Variants in STRADA observed in about 807,000 individuals in gnomAD.
The protein encoded by STRADA is STE20-related kinase adapter protein alpha.
STRADA carries 26 observed loss-of-function variants against 55.0 expected under a neutral mutation model. The ratio of observed to expected loss-of-function variants is 0.47; its 90% CI spans 0.35 to 0.66. STRADA has a LOEUF of 0.66. STRADA is among the 30% of genes least tolerant of loss of function. The pLI, the probability that STRADA is intolerant of heterozygous loss-of-function variation, is 0.01. For synonymous variants in STRADA, 197 were observed against 210.9 expected, an observed-to-expected ratio of 0.93 and a Z score of 0.57; for missense variants, 443 against 549.7, an observed-to-expected ratio of 0.81 and a Z score of 1.94.
chr17:63,709,076 C>A (rs1187454524), intron 8 of STRADA, among the ~76,000 whole-genome samples: 3 of 152,214 alleles, frequency 2.0e-5, no homozygotes, highest in African/African-American at 4.8e-5. Flanking sequence ...GGGACAGACA[C>A]TCACACTACC....
At chr17:63,728,081 T>G in intron 2 of STRADA, 1 of 452,414 alleles carries the variant, frequency 2.2e-6, no homozygotes, top group South Asian at 3.2e-5. Context: ...ATGACTGATA[T>G]TCATGAAATA....
intron 1 of STRADA, among the ~76,000 whole-genome samples, chr17:63,732,282 G>A (rs2038121180): frequency 6.6e-6 from 1 of 152,146 alleles, no homozygotes; most frequent in Admixed American, 6.6e-5. Context: ...TAGGATTACA[G>A]GTGTCAGCTA....
intron 2 of STRADA, chr17:63,727,711 A>G (rs2037751707): frequency 6.6e-6 from 1 of 152,204 alleles, no homozygotes; most frequent in Non-Finnish European, 1.5e-5. Context: ...ATATGTAAAG[A>G]AAGTGGTATA....
intron 1 of STRADA, among the ~76,000 whole-genome samples, chr17:63,736,029 C>T (rs1480685286): frequency 6.6e-6 from 1 of 152,132 alleles, no homozygotes; most frequent in Non-Finnish European, 1.5e-5. Context: ...GCAACCTCTG[C>T]CTCTTGGGTT....
Position 63,703,757 on chromosome 17 carries a change from G to A in STRADA, c.1144-6C>T. On this transcript the variant is annotated splice_polypyrimidine_tract_variant and splice_region_variant and intron_variant, in intron 12 of 12. Coordinates refer to ENST00000336174, the MANE Select transcript of STRADA (RefSeq NM_001003787.4). ...TCTGAGGCACGTCGCTTGATCTGGG[G>A]GAGAAGAGAGAGGTGGGTGACAGAT... The A allele has an allele frequency of 6.2e-7, 1 of 1,613,756 alleles. No individual in the cohort carries two copies. The highest frequency in any genetic ancestry group is 8.5e-7 in the Non-Finnish European group (1 of 1,179,730).
chr17:63,727,578 A>C (rs2037744322), intron 2 of STRADA: 1 of 152,234 alleles, frequency 6.6e-6, no homozygotes, highest in African/African-American at 2.4e-5. Flanking sequence ...GTGAATTGGA[A>C]CTATAGCATC....
intron 10 of STRADA, 124 bp downstream of exon 10, chr17:63,706,511 T>G: frequency 1.4e-6 from 1 of 725,564 alleles, no homozygotes; most frequent in Non-Finnish European, 2.3e-6. Context: ...TGGGACTTCT[T>G]GAAGGAAAAG....
intron 3 of STRADA, chr17:63,723,564 C>T: frequency 3.7e-6 from 2 of 542,802 alleles, no homozygotes; most frequent in Non-Finnish European, 6.6e-6. Context: ...GGCAAGGCTA[C>T]TACTCTATGG....
intron 1 of STRADA, among the ~76,000 whole-genome samples, chr17:63,734,282 C>G (rs7219920): frequency 0.32 from 48,916 of 151,998 alleles, 8,601 homozygotes; most frequent in South Asian, 0.58. Flanking sequence ...TAAGAATGTT[C>G]TAAAAATGCT....
At position 63,717,418 on chromosome 17, in the gene STRADA, C is replaced by T. The variant is rs1398620379; in HGVS notation, c.124-3310G>A. Reference sequence around the variant, plus strand: ...TGCCTTTTGGGTTTAAACGATTCTCCTGCCTCAGCCTTATAAGTAGCTGGG... The same window carrying T: ...TGCCTTTTGGGTTTAAACGATTCTCTTGCCTCAGCCTTATAAGTAGCTGGG... On this transcript the variant is annotated intron_variant, in intron 4 of 12. Coordinates refer to ENST00000336174, the MANE Select transcript of STRADA (RefSeq NM_001003787.4). Among the ~76,000 whole-genome samples, 4 of 152,122 alleles carry T rather than the reference C, an allele frequency of 2.6e-5. No homozygotes were observed. The East Asian group carries it at 7.7e-4, about 29-fold the overall frequency.
At chr17:63,709,150 T>C (rs2036318696) in intron 8 of STRADA, among the ~76,000 whole-genome samples, 1 of 151,922 alleles carries the variant, frequency 6.6e-6, no homozygotes, top group Admixed American at 6.6e-5. Context: ...TGCACGAGGG[T>C]TTCTTTAGGG....
chr17:63,731,164 G>T (rs1472938091), intron 1 of STRADA, among the ~76,000 whole-genome samples: 1 of 151,394 alleles, frequency 6.6e-6, no homozygotes, highest in Non-Finnish European at 1.5e-5. Context: ...GGATGGTCTC[G>T]ATCTCCTGAC....
chr17:63,714,766 A>C (rs2036741353), intron 4 of STRADA, among the ~76,000 whole-genome samples: 1 of 152,188 alleles, frequency 6.6e-6, no homozygotes, highest in Non-Finnish European at 1.5e-5. Flanking sequence ...CTGTGAGTGA[A>C]GCTGGAGTCC....
rs561301148 is a variant in STRADA at position 63,730,939 on chromosome 17, G to T, written c.-44-2526C>A. Among the ~76,000 whole-genome samples the T allele has an allele frequency of 9.9e-5, 15 of 151,706 alleles. 1 individual carries two copies. In the South Asian group the frequency reaches 2.7e-3, roughly 27 times the overall value. Reference sequence around the variant, plus strand: ...TTACAGGTGTGAGCCACTGCGCCTGGCCCTACCCTGATATTCTTTTTTTTT... The same window carrying T: ...TTACAGGTGTGAGCCACTGCGCCTGTCCCTACCCTGATATTCTTTTTTTTT... On this transcript the variant is annotated intron_variant, in intron 1 of 12. Coordinates refer to ENST00000336174, the MANE Select transcript of STRADA (RefSeq NM_001003787.4).
chr17:63,725,336 T>G (rs2037573381), intron 3 of STRADA, among the ~76,000 whole-genome samples: 1 of 152,184 alleles, frequency 6.6e-6, no homozygotes, highest in African/African-American at 2.4e-5. Context: ...TTTTTAAATT[T>G]CCTTCTTATT....
rs1475592072 is a variant in STRADA at position 63,706,466 on chromosome 17, G to C, written c.858+169C>G. The C allele has an allele frequency of 5.0e-6, 3 of 602,010 alleles. No homozygotes were observed. The African/African-American group carries it at 5.5e-5, about 11-fold the overall frequency. 37.3% of individuals were successfully genotyped at this position (602,010 alleles called of 1,614,324 possible). ...CTTACCACCAGGTTTGCCACAGGAA[G>C]TAAACAAAGAGTGAGGTCACTATCC... On this transcript the variant is annotated intron_variant, in intron 10 of 12. Transcript: ENST00000336174.
At chr17:63,731,506 C>T (rs576271721) in intron 1 of STRADA, among the ~76,000 whole-genome samples, 27 of 151,336 alleles carry the variant, frequency 1.8e-4, no homozygotes, top group African/African-American at 6.3e-4. Context: ...CCTCGTGATC[C>T]GTCCGCCTTG....
chr17:63,740,445 G>A (rs543461009), intron 1 of STRADA, among the ~76,000 whole-genome samples: 12 of 152,138 alleles, frequency 7.9e-5, no homozygotes, highest in Admixed American at 4.6e-4. Context: ...CAAGGAGGCC[G>A]AGGTTGCAGT....
chr17:63,713,944 GAGA>G, intron 5 of STRADA, 59 bp downstream of exon 5: 1 of 1,393,896 alleles, frequency 7.2e-7, no homozygotes, highest in Non-Finnish European at 1.0e-6. Flanking sequence ...TGGGGCTGCT[GAGA>G]AAGCTGCAGC....
Sources: allele counts gnomAD v4.1 joint callset (sites outside exome capture counted in the v4.1 genomes callset), GRCh38; gene constraint gnomAD v4.1.1; transcripts MANE v1.5; gene names NCBI Gene and HGNC (gene_info 2026-07-23, HGNC 2026-07-21).